The following FAT3 variants were observed in gnomAD, a reference collection of about 807,000 sequenced individuals.
FAT3 encodes protocadherin Fat 3.
A neutral mutation model predicts 310.2 loss-of-function variants in FAT3; 95 were observed. That is an observed-to-expected ratio of 0.31 (90% confidence interval 0.26 to 0.36). FAT3 has a LOEUF of 0.36. Among genes scored for constraint, FAT3 ranks in the 10% least tolerant of loss-of-function variants. The pLI is 1.00. For synonymous variants in FAT3, 2,314 were observed against 2,192.9 expected, an observed-to-expected ratio of 1.06 and a Z score of -1.54; for missense variants, 5,408 against 5,715.6, an observed-to-expected ratio of 0.95 and a Z score of 1.74.
chr11:92,561,572 T>C (rs1373278471), intron 3 of FAT3, among the ~76,000 whole-genome samples: 1 of 152,108 alleles, frequency 6.6e-6, no homozygotes, highest in Non-Finnish European at 1.5e-5. Context: ...TGTTTCAAAC[T>C]GGCATCAACA....
intron 17 of FAT3, 104 bp from the exon 18 acceptor site, chr11:92,840,458 C>G: frequency 8.9e-7 from 1 of 1,119,714 alleles, no homozygotes; most frequent in South Asian, 1.9e-5. Context: ...TCAGCACTCT[C>G]AGCCTGAAAT....
chr11:92,701,472 G>C (rs1944094447), intron 4 of FAT3, among the ~76,000 whole-genome samples: 2 of 152,194 alleles, frequency 1.3e-5, no homozygotes, highest in African/African-American at 4.8e-5. Flanking sequence ...AAGCAGCAAA[G>C]AACTGTAGGC....
Position 92,797,842 on chromosome 11 carries a change from C to T in FAT3, c.4829C>T (p.Thr1610Ile). Residue 1610 changes from threonine to isoleucine, a missense_variant, in exon 10 of 28, where the codon ACT (threonine) becomes ATT (isoleucine). By Grantham distance (89) the Thr-to-Ile change is moderately conservative (BLOSUM62 -1). Around this residue, in one of 5 missense-constraint regions of FAT3, gnomAD observed 4,588 missense variants for 4,809.8 expected, o/e 0.95. Transcript: ENST00000525166. ...ELIYTIEAGN[T>I]GNMFKIEPVL... is the part of the protein sequence containing the mutation. ...ATTGATTTCTGTATTTTAGGGAACA[C>T]TGGGAACATGTTTAAGATCGAACCG... The T allele has an allele frequency of 1.2e-6, 2 of 1,608,182 alleles. No homozygotes were observed. The highest frequency in any genetic ancestry group is 1.7e-6 in the Non-Finnish European group (2 of 1,175,492).
At chr11:92,779,368 G>A (rs1212914845) in intron 7 of FAT3, among the ~76,000 whole-genome samples, 1 of 152,064 alleles carries the variant, frequency 6.6e-6, no homozygotes, top group Non-Finnish European at 1.5e-5. Flanking sequence ...GTTTGGGGCA[G>A]GAGCCTAGGG....
At chr11:92,379,387 A>G (rs1463839208) in intron 2 of FAT3, among the ~76,000 whole-genome samples, 4 of 152,172 alleles carry the variant, frequency 2.6e-5, no homozygotes, top group African/African-American at 9.7e-5. Flanking sequence ...AAGGTAGCAG[A>G]AGTTACTTTT....
chr11:92,742,866 A>G (rs1289407637), intron 4 of FAT3, among the ~76,000 whole-genome samples: 4 of 152,222 alleles, frequency 2.6e-5, no homozygotes, highest in African/African-American at 9.6e-5. Flanking sequence ...CATTGGAGGC[A>G]CTGTAAATTT....
intron 3 of FAT3, among the ~76,000 whole-genome samples, chr11:92,671,892 A>C (rs557314489): frequency 2.6e-5 from 4 of 152,222 alleles, no homozygotes; most frequent in Non-Finnish European, 4.4e-5. Context: ...GATCATCTGA[A>C]GTCAGGAGTT....
chr11:92,721,267 G>A (rs1944850959), intron 4 of FAT3, among the ~76,000 whole-genome samples: 1 of 152,170 alleles, frequency 6.6e-6, no homozygotes, highest in African/African-American at 2.4e-5. Flanking sequence ...TTAGCTATTA[G>A]TAATAGAAAA....
chr11:92,540,241 A>G (rs1032767490), intron 3 of FAT3, among the ~76,000 whole-genome samples: 11 of 152,266 alleles, frequency 7.2e-5, no homozygotes, highest in Admixed American at 2.0e-4. Context: ...TTAGAATAGT[A>G]AGTAGGCTGA....
chr11:92,661,386 A>C (rs1332624415), intron 3 of FAT3, among the ~76,000 whole-genome samples: 3 of 152,220 alleles, frequency 2.0e-5, no homozygotes, highest in African/African-American at 7.2e-5. Context: ...TATATCTAGA[A>C]CTGCCCCACA....
intron 3 of FAT3, among the ~76,000 whole-genome samples, chr11:92,668,372 C>G (rs913132745): frequency 5.3e-5 from 8 of 152,114 alleles, no homozygotes; most frequent in South Asian, 4.1e-4. Context: ...TGGTCTTTAC[C>G]CATAGGAGAT....
chr11:92,657,660 A>C lies in FAT3; in HGVS notation c.3608-39724A>C, dbSNP rs540768540. Among the ~76,000 whole-genome samples the C allele has an allele frequency of 1.2e-4, 19 of 152,356 alleles. No homozygotes were observed. In the East Asian group the frequency reaches 3.5e-3, roughly 28 times the overall value. ...TTTGAACAACTAGGAATATTTATCAAATTTTCAGAGGACATAAAGATAAAA... is the reference window on the plus strand; with the variant it reads ...TTTGAACAACTAGGAATATTTATCACATTTTCAGAGGACATAAAGATAAAA... On this transcript the variant is annotated intron_variant, in intron 3 of 27. Transcript: ENST00000525166.
In FAT3 at chr11:92,331,235, G is replaced by A. The variant is rs573619552; in HGVS notation, c.-17-20861G>A. 5.3e-5 allele frequency among the ~76,000 whole-genome samples: 8 copies of A among 151,746 alleles called. No homozygotes were observed. The East Asian group carries it at 9.7e-4, about 18-fold the overall frequency. On this transcript the variant is annotated intron_variant, in intron 1 of 27. Transcript: ENST00000525166. ...GCTATTGCACAGTTAAGTATTGTCT[G>A]TGGTTGAATAGATAATGAAATGCAG... is the stretch of plus-strand genomic sequence containing the variant.
chr11:92,511,319 A>G (rs1953281348), intron 2 of FAT3, among the ~76,000 whole-genome samples: 1 of 152,138 alleles, frequency 6.6e-6, no homozygotes, highest in African/African-American at 2.4e-5. Context: ...AGCTTATTCT[A>G]TCCACATTTT....
intron 3 of FAT3, among the ~76,000 whole-genome samples, chr11:92,686,684 AT>A (rs895290758): frequency 3.3e-5 from 5 of 152,154 alleles, no homozygotes; most frequent in African/African-American, 1.2e-4. Context: ...TACGAGTGAT[AT>A]TTTTTCCAGG....
chr11:92,629,522 C>T (rs1171315186), intron 3 of FAT3, among the ~76,000 whole-genome samples: 1 of 151,600 alleles, frequency 6.6e-6, no homozygotes, highest in African/African-American at 2.4e-5. Context: ...CCTCCTGCCT[C>T]GCCTCAGCCT....
Position 92,353,345 on chromosome 11 carries a change from A to T in FAT3, c.1233A>T (p.Leu411Phe). ...AACCGATAGATGTGGAATACAAATT[A>T]TCTCCTGGTGAGGATGCAGTGTACT... ...SPEPIDVEYK[L>F]SPGEDAVYFK... is the part of the protein sequence containing the mutation. Residue 411 changes from leucine to phenylalanine, a missense_variant, in exon 2 of 28, where the codon TTA becomes TTT. Transcript: ENST00000525166. 6.2e-7 allele frequency: 1 copy of T among 1,613,636 alleles called. No homozygotes were observed. Among genetic ancestry groups the T allele is most frequent in the African/African-American group, 1.3e-5 (1 of 75,052 alleles).
intron 3 of FAT3, among the ~76,000 whole-genome samples, chr11:92,552,783 GAA>G (rs71064718): frequency 4.1e-5 from 6 of 148,010 alleles, no homozygotes; most frequent in South Asian, 2.1e-4. Context: ...ACAGTAAAAA[GAA>G]AAAAAAAAAG....
intron 4 of FAT3, among the ~76,000 whole-genome samples, chr11:92,731,748 A>T (rs185874378): frequency 1.3e-3 from 196 of 151,612 alleles, no homozygotes; most frequent in African/African-American, 4.7e-3. Context: ...CCAAGGGCAC[A>T]GTTAGCTATG....
Sources: allele counts gnomAD v4.1 joint callset (sites outside exome capture counted in the v4.1 genomes callset), GRCh38; gene constraint gnomAD v4.1.1; regional missense constraint gnomAD v4.1.1; transcripts MANE v1.5; gene names NCBI Gene and HGNC (gene_info 2026-07-23, HGNC 2026-07-21).